The following GNG4 variants were observed in gnomAD, a reference collection of about 807,000 sequenced individuals.
The protein encoded by GNG4 is guanine nucleotide-binding protein G(I)/G(S)/G(O) subunit gamma-4.
In GNG4, 4 loss-of-function variants were observed where a neutral mutation model predicts 5.8. That is an observed-to-expected ratio of 0.69 (90% CI 0.34 to 1.57). The LOEUF is 1.57. Among genes scored for constraint, GNG4 ranks in the 40% most tolerant of loss-of-function variants. The probability of loss-of-function intolerance (pLI) is 0.06; values close to 1 mark genes in which losing one functional copy is unlikely to be tolerated. For synonymous variants in GNG4, 29 were observed against 32.9 expected (o/e 0.88, Z 0.41); for missense variants, 96 against 95.1 (o/e 1.01, Z -0.04).
At chr1:235,600,273 C>G (rs1272276810) in intron 1 of GNG4, among the ~76,000 whole-genome samples, 4 of 151,764 alleles carry the variant, frequency 2.6e-5, no homozygotes, top group Non-Finnish European at 4.4e-5. Context: ...TGCCACCATG[C>G]CCAGCTAATT....
chr1:235,588,266 G>T (rs1392980128), intron 2 of GNG4, among the ~76,000 whole-genome samples: 4 of 152,006 alleles, frequency 2.6e-5, no homozygotes, highest in Admixed American at 2.0e-4. Flanking sequence ...CCCTCTGGGG[G>T]TTCCATCCCT....
chr1:235,593,906 C>T (rs1378938187), intron 2 of GNG4, among the ~76,000 whole-genome samples: 1 of 152,162 alleles, frequency 6.6e-6, no homozygotes, highest in Non-Finnish European at 1.5e-5. Flanking sequence ...AGAACAAAGC[C>T]TGCACAGCGT....
chr1:235,563,284 G>A (rs562590955), intron 3 of GNG4, among the ~76,000 whole-genome samples: 42 of 151,884 alleles, frequency 2.8e-4, no homozygotes, highest in African/African-American at 6.8e-4. Flanking sequence ...TTAGCCGGGC[G>A]TAGCGGTGCG....
chr1:235,587,487 TGGGGGGTGGGG>T (rs1427260918), intron 2 of GNG4, among the ~76,000 whole-genome samples: 11 of 392 alleles, frequency 0.028, no homozygotes, highest in Admixed American at 0.042. Context: ...AGAGTGTGGA[TGGGGGGTGGGG>T]GTGTGTGAAT....
At chr1:235,625,848 C>A (rs1183207494) in intron 1 of GNG4, among the ~76,000 whole-genome samples, 1 of 152,178 alleles carries the variant, frequency 6.6e-6, no homozygotes, top group Non-Finnish European at 1.5e-5. Context: ...TGAAGAACAT[C>A]TTGGTTGCTT....
intron 3 of GNG4, among the ~76,000 whole-genome samples, chr1:235,580,325 G>A (rs1163102943): frequency 6.6e-6 from 1 of 152,186 alleles, no homozygotes; most frequent in Non-Finnish European, 1.5e-5. Flanking sequence ...AGAAAGTTCT[G>A]GAGGTGGATG....
Position 235,619,224 on chromosome 1 carries a change from CAT to C in GNG4, c.-122-23715_-122-23714del, listed in dbSNP as rs202218848. Among the ~76,000 whole-genome samples the C allele has an allele frequency of 1.5e-4, 21 of 144,122 alleles. 1 individual carries two copies. The highest frequency in any genetic ancestry group is 5.6e-4 in the Admixed American group (8 of 14,178). The allele number at this position is 144,122 out of a possible 152,430, so 94.5% of individuals were successfully genotyped here. On this transcript the variant is annotated intron_variant, in intron 1 of 3. Coordinates refer to ENST00000391854, the MANE Select transcript of GNG4 (RefSeq NM_001098722.2). The stretch of plus-strand genomic sequence containing the variant: ...ACACATATATATATATACACACACA[CAT>C]ATATATATACACAAAAATTAATTAG...
At chr1:235,601,540 G>A (rs1688258913) in intron 1 of GNG4, among the ~76,000 whole-genome samples, 1 of 152,224 alleles carries the variant, frequency 6.6e-6, no homozygotes, top group Admixed American at 6.5e-5. Context: ...CTCAGGTGCT[G>A]AGGGAGAGAT....
chr1:235,587,195 GAC>G (rs1687781465), intron 2 of GNG4, among the ~76,000 whole-genome samples: 2 of 143,738 alleles, frequency 1.4e-5, no homozygotes, highest in African/African-American at 5.4e-5. Context: ...GAGTGTGTGT[GAC>G]AGAAAGTATG....
chr1:235,572,338 T>C (rs150576583), intron 3 of GNG4, among the ~76,000 whole-genome samples: 248 of 152,168 alleles, frequency 1.6e-3, no homozygotes, highest in Non-Finnish European at 2.7e-3. Context: ...TAGCTGGAAT[T>C]ACAGGCGCTC....
intron 3 of GNG4, among the ~76,000 whole-genome samples, chr1:235,573,780 A>G (rs1230286707): frequency 1.3e-5 from 2 of 152,154 alleles, no homozygotes; most frequent in African/African-American, 2.4e-5. Flanking sequence ...CCATCTCAAA[A>G]AAAAGGAAAA....
At chr1:235,570,940 A>ATATATAT (rs1192261125) in intron 3 of GNG4, among the ~76,000 whole-genome samples, 1 of 141,630 alleles carries the variant, frequency 7.1e-6, no homozygotes, top group African/African-American at 2.7e-5. Flanking sequence ...ACACACACAC[A>ATATATAT]CACACATATA....
intron 2 of GNG4, among the ~76,000 whole-genome samples, chr1:235,593,572 G>A (rs1052846801): frequency 6.6e-6 from 1 of 152,208 alleles, no homozygotes; most frequent in Non-Finnish European, 1.5e-5. Flanking sequence ...ATGAAGCTGC[G>A]GACCCGCGCC....
At chr1:235,620,590 C>T (rs1688689212) in intron 1 of GNG4, among the ~76,000 whole-genome samples, 1 of 152,088 alleles carries the variant, frequency 6.6e-6, no homozygotes, top group South Asian at 2.1e-4. Flanking sequence ...GACTGGAGTG[C>T]AGTGGCGTGA....
In GNG4 at chr1:235,548,550, C is replaced by T. The variant is rs1365231274; in HGVS notation, c.*3559G>A. On this transcript the variant is annotated 3_prime_UTR_variant, in exon 4 of 4. Transcript: ENST00000391854. Reference sequence around the variant, plus strand: ...TGTGTCACATTCTCCAGGCTCATAGCCCCAAGCAAGGGTCCAGGTAGTCCA... The same window carrying T: ...TGTGTCACATTCTCCAGGCTCATAGTCCCAAGCAAGGGTCCAGGTAGTCCA... 2.6e-5 allele frequency: 4 copies of T among 152,392 alleles called. No individual in the cohort carries two copies. The highest frequency in any genetic ancestry group is 9.6e-5 in the African/African-American group (4 of 41,546). 9.4% of individuals were successfully genotyped at this position (152,392 alleles called of 1,614,324 possible). A position where few individuals can be genotyped will look rare whatever the true frequency, so the allele number is the denominator to read the frequency against.
At chr1:235,646,709 T>C (rs559347455) in intron 1 of GNG4, among the ~76,000 whole-genome samples, 3 of 152,196 alleles carry the variant, frequency 2.0e-5, no homozygotes, top group Non-Finnish European at 4.4e-5. Context: ...CTTATCTGCA[T>C]GGCACCTGTC....
Position 235,581,769 on chromosome 1 carries a change from C to T in GNG4, c.99+1971G>A, listed in dbSNP as rs1253028412. 3.9e-5 allele frequency among the ~76,000 whole-genome samples: 6 copies of T among 152,266 alleles called. No individual in the cohort carries two copies. In the East Asian group the frequency reaches 1.2e-3, roughly 29 times the overall value. On this transcript the variant is annotated intron_variant, in intron 3 of 3. Transcript: ENST00000391854. ...TTCTTTACAGCAATGTGAGAATGAA[C>T]TCCTACAGTAACTCATTTGTCTTTG...
At chr1:235,596,161 G>A (rs1025426150) in intron 1 of GNG4, among the ~76,000 whole-genome samples, 7 of 150,038 alleles carry the variant, frequency 4.7e-5, no homozygotes, top group African/African-American at 7.4e-5. Flanking sequence ...GTGACAGAGC[G>A]AGACTCTGTC....
At chr1:235,639,011 G>C (rs955295608) in intron 1 of GNG4, among the ~76,000 whole-genome samples, 2 of 152,090 alleles carry the variant, frequency 1.3e-5, no homozygotes, top group Non-Finnish European at 2.9e-5. Flanking sequence ...AATCCTTTGG[G>C]TATATACCCA....
Sources: allele counts gnomAD v4.1 joint callset (sites outside exome capture counted in the v4.1 genomes callset), GRCh38; gene constraint gnomAD v4.1.1; transcripts MANE v1.5; gene names NCBI Gene and HGNC (gene_info 2026-07-23, HGNC 2026-07-21).